The following GRID2 variants were observed in gnomAD, a reference collection of about 807,000 sequenced individuals.
GRID2 encodes the protein glutamate ionotropic receptor delta type subunit 2.
In GRID2, 33 loss-of-function variants were observed where a neutral mutation model predicts 114.8. The observed-to-expected ratio is 0.29, with a 90% confidence interval of 0.22 to 0.38. The LOEUF (loss-of-function observed/expected upper bound fraction) is 0.38, where lower values mean the gene tolerates loss of function less well. Among genes scored for constraint, GRID2 ranks in the 10% least tolerant of loss-of-function variants. GRID2 has a pLI of 1.00. For missense variants in GRID2, 1,184 were observed against 1,257.7 expected (o/e 0.94, Z 0.89); for synonymous variants, 505 against 449.9 (o/e 1.12, Z -1.55).
At chr4:92,840,452 A>G (rs1474539140) in intron 2 of GRID2, among the ~76,000 whole-genome samples, 3 of 151,350 alleles carry the variant, frequency 2.0e-5, no homozygotes, top group South Asian at 2.1e-4. Flanking sequence ...TTCTATGGTG[A>G]TATGATTTAG....
intron 14 of GRID2, among the ~76,000 whole-genome samples, chr4:93,742,875 AC>A (rs1434500347): frequency 6.6e-6 from 1 of 152,208 alleles, no homozygotes; most frequent in African/African-American, 2.4e-5. Context: ...AAATGAAAAA[AC>A]AAAAAGAGTC....
intron 2 of GRID2, among the ~76,000 whole-genome samples, chr4:92,684,400 T>C (rs1251514686): frequency 6.6e-6 from 1 of 152,016 alleles, no homozygotes; most frequent in Non-Finnish European, 1.5e-5. Flanking sequence ...ATTTTATTAC[T>C]TCAATATACC....
intron 2 of GRID2, among the ~76,000 whole-genome samples, chr4:92,835,310 T>C (rs1479567919): frequency 6.6e-6 from 1 of 152,084 alleles, no homozygotes; most frequent in Non-Finnish European, 1.5e-5. Flanking sequence ...ACATTAATTA[T>C]TTTTGGAGGC....
At chr4:92,540,650 C>T (rs1013647218) in intron 1 of GRID2, among the ~76,000 whole-genome samples, 11 of 152,106 alleles carry the variant, frequency 7.2e-5, no homozygotes, top group Non-Finnish European at 1.5e-4. Flanking sequence ...ACAACAGGTG[C>T]TGGAGAGGAT....
intron 4 of GRID2, among the ~76,000 whole-genome samples, chr4:93,182,027 T>G (rs867575203): frequency 6.6e-6 from 1 of 152,168 alleles, no homozygotes; most frequent in Admixed American, 6.6e-5. Flanking sequence ...AAGAAACTTC[T>G]TACCAAAATA....
chr4:92,583,751 CAT>C (rs528714738), intron 1 of GRID2, among the ~76,000 whole-genome samples: 82 of 150,026 alleles, frequency 5.5e-4, no homozygotes, highest in African/African-American at 1.9e-3. Context: ...TACATACACA[CAT>C]ATGTACATTC....
At chr4:92,355,525 A>G (rs1469314094) in intron 1 of GRID2, among the ~76,000 whole-genome samples, 1 of 151,862 alleles carries the variant, frequency 6.6e-6, no homozygotes. Context: ...AAAAAAGGTC[A>G]TAAGGGTAAT....
chr4:93,084,951 G>A, intron 2 of GRID2, 44 bp from the exon 3 acceptor site: 1 of 1,532,856 alleles, frequency 6.5e-7, no homozygotes, highest in African/African-American at 1.4e-5. Context: ...GGAAAACTAT[G>A]TGAAACCCAC....
intron 12 of GRID2, among the ~76,000 whole-genome samples, chr4:93,499,082 C>T (rs1727850070): frequency 6.6e-6 from 1 of 151,766 alleles, no homozygotes; most frequent in African/African-American, 2.4e-5. Context: ...TTACATCATT[C>T]ATTTCAACAA....
intron 1 of GRID2, among the ~76,000 whole-genome samples, chr4:92,522,482 CTG>C (rs1465584476): frequency 6.6e-6 from 1 of 152,004 alleles, no homozygotes; most frequent in African/African-American, 2.4e-5. Flanking sequence ...GGCTTTAAAA[CTG>C]TCATTCCAGC....
At position 93,449,531 on chromosome 4, in the gene GRID2, G is replaced by A. The variant is rs541179273; in HGVS notation, c.1546-6131G>A. Reference sequence around the variant, plus strand: ...GATTAAAATAGCAGTTCATGTTTTTGATAGCATTAGCTATTCAGGATCAAA... The same window carrying A: ...GATTAAAATAGCAGTTCATGTTTTTAATAGCATTAGCTATTCAGGATCAAA... On this transcript the variant is annotated intron_variant, in intron 10 of 15. Coordinates refer to ENST00000282020, the MANE Select transcript of GRID2 (RefSeq NM_001510.4). Among the ~76,000 whole-genome samples, 14 of 152,136 alleles carry A rather than the reference G, an allele frequency of 9.2e-5. No individual in the cohort carries two copies. In the South Asian group the frequency reaches 1.0e-3, roughly 11 times the overall value.
chr4:92,807,503 G>A (rs963933054), intron 2 of GRID2, among the ~76,000 whole-genome samples: 1 of 151,884 alleles, frequency 6.6e-6, no homozygotes, highest in Admixed American at 6.6e-5. Context: ...ACAAGGAGTT[G>A]TAATTGGAAT....
At chr4:92,400,487 A>C (rs113816861) in intron 1 of GRID2, among the ~76,000 whole-genome samples, 1 of 151,976 alleles carries the variant, frequency 6.6e-6, no homozygotes, top group Non-Finnish European at 1.5e-5. Flanking sequence ...CCATACCACT[A>C]TTTGTTTATC....
At chr4:93,441,580 C>T (rs2149392731) in intron 10 of GRID2, among the ~76,000 whole-genome samples, 1 of 151,932 alleles carries the variant, frequency 6.6e-6, no homozygotes, top group East Asian at 2.0e-4. Context: ...AACATTAAAA[C>T]CACAAATGGA....
At chr4:92,981,427 A>T (rs1303010569) in intron 2 of GRID2, among the ~76,000 whole-genome samples, 1 of 152,002 alleles carries the variant, frequency 6.6e-6, no homozygotes, top group Non-Finnish European at 1.5e-5. Flanking sequence ...CACTTGAGTA[A>T]TTCTTGTAAT....
intron 2 of GRID2, among the ~76,000 whole-genome samples, chr4:92,609,392 G>GA (rs900198865): frequency 4.6e-4 from 69 of 149,498 alleles, no homozygotes; most frequent in African/African-American, 1.5e-3. Flanking sequence ...TCTAGTTGAA[G>GA]AAAAAAAATA....
intron 1 of GRID2, among the ~76,000 whole-genome samples, chr4:92,394,169 C>A (rs1345965115): frequency 6.6e-6 from 1 of 152,102 alleles, no homozygotes; most frequent in Non-Finnish European, 1.5e-5. Context: ...ATGAAGATCA[C>A]TAATATATTA....
In GRID2 at chr4:93,524,785, GTATA is replaced by G. The variant is rs772724087; in HGVS notation, c.2193+9400_2193+9403del. ...CAAGAAAAAATATATGTATGTATGT[GTATA>G]TATATATATATATATATATATATAT... On this transcript the variant is annotated intron_variant, in intron 13 of 15. Transcript: ENST00000282020. 3.1e-3 allele frequency among the ~76,000 whole-genome samples: 274 copies of G among 87,356 alleles called. 1 individual carries two copies. Among genetic ancestry groups the G allele is most frequent in the African/African-American group, 7.4e-3 (166 of 22,384 alleles). 57.3% of individuals were successfully genotyped at this position (87,356 alleles called of 152,430 possible).
intron 2 of GRID2, among the ~76,000 whole-genome samples, chr4:92,755,752 G>A (rs1315972169): frequency 6.6e-6 from 1 of 152,096 alleles, no homozygotes; most frequent in African/African-American, 2.4e-5. Context: ...TATTTGTATA[G>A]GAATCTTGCA....
Sources: gnomAD v4.1 joint callset for allele counts (sites outside exome capture counted in the v4.1 genomes callset) on GRCh38, gnomAD v4.1.1 for gene constraint, MANE v1.5 for transcripts, NCBI Gene and HGNC (gene_info 2026-07-23, HGNC 2026-07-21) for gene names.